The following ZFHX3 variants were observed in gnomAD, a reference collection of about 807,000 sequenced individuals.
ZFHX3 encodes the protein zinc finger homeobox 3, also known as zinc finger homeobox protein 3.
ZFHX3 carries 42 observed loss-of-function variants against 279.1 expected under a neutral mutation model. That is an observed-to-expected ratio of 0.15 (90% confidence interval 0.12 to 0.19). ZFHX3 has a LOEUF of 0.19. Ranked by LOEUF, ZFHX3 falls within the 10% of genes least tolerant of loss-of-function variation. The probability of loss-of-function intolerance (pLI) is 1.00; values close to 1 mark genes in which losing one functional copy is unlikely to be tolerated. For synonymous variants in ZFHX3, 2,293 were observed against 1,957.8 expected (o/e 1.17, Z -4.52); for missense variants, 4,981 against 4,754.0 (o/e 1.05, Z -1.40).
At chr16:73,404,005 C>T (rs895991783) in intron 3 of ZFHX3, among the ~76,000 whole-genome samples, 1 of 152,052 alleles carries the variant, frequency 6.6e-6, no homozygotes, top group Non-Finnish European at 1.5e-5. Context: ...GGGTAGGAGT[C>T]CCTTTGGGAA....
rs147952239 is a variant in ZFHX3, at chr16:72,787,318, G to A, written c.10958C>T (p.Pro3653Leu). 6.4e-5 allele frequency: 103 copies of A among 1,613,860 alleles called. No homozygotes were observed. Among genetic ancestry groups the A allele is most frequent in the Non-Finnish European group, 8.2e-5 (97 of 1,180,004 alleles). The change falls in exon 10 of 10, where the codon CCC becomes CTC. Residue 3653 changes from proline (P) to leucine (L), a missense_variant. Pro to Leu is a moderately conservative substitution (Grantham distance 98). Around this residue, in one of 7 missense-constraint regions of ZFHX3, gnomAD observed 1,034 missense variants for 786.0 expected, o/e 1.32. Transcript: ENST00000268489. ...SSSCSTSGVQ[P>L]SMPTDDYSEE... ...CGAATAGTCGTCTGTTGGCATCGAG[G>A]GCTGAACCCCTGAGGTGCTGCATGA...
chr16:73,188,873 T>C (rs1224640577), intron 5 of ZFHX3, among the ~76,000 whole-genome samples: 1 of 151,654 alleles, frequency 6.6e-6, no homozygotes, highest in Non-Finnish European at 1.5e-5. Flanking sequence ...TTTCTTTTTT[T>C]TTTTTTTTGA....
intron 3 of ZFHX3, among the ~76,000 whole-genome samples, chr16:72,948,316 T>C (rs1960805870): frequency 6.6e-6 from 1 of 152,118 alleles, no homozygotes; most frequent in South Asian, 2.1e-4. Context: ...GGGTCCACGT[T>C]CTACCCTGCA....
chr16:72,927,995 G>A (rs1959552658), intron 3 of ZFHX3, among the ~76,000 whole-genome samples: 1 of 148,730 alleles, frequency 6.7e-6, no homozygotes, highest in Admixed American at 6.7e-5. Context: ...TTGGAAGCTG[G>A]GATGCGCCAG....
At chr16:73,073,525 G>T (rs1382389064) in intron 8 of ZFHX3, among the ~76,000 whole-genome samples, 2 of 152,134 alleles carry the variant, frequency 1.3e-5, no homozygotes, top group Non-Finnish European at 2.9e-5. Context: ...TTGAGACAGA[G>T]TATCACTCTT....
chr16:73,801,603 G>A (rs564735368), intron 1 of ZFHX3, among the ~76,000 whole-genome samples: 1 of 152,330 alleles, frequency 6.6e-6, no homozygotes, highest in East Asian at 1.9e-4. Context: ...ATTTCCCTGT[G>A]TTTCCATTTC....
intron 4 of ZFHX3, among the ~76,000 whole-genome samples, chr16:72,885,155 A>G (rs568808184): frequency 3.9e-5 from 6 of 152,374 alleles, no homozygotes; most frequent in African/African-American, 9.6e-5. Flanking sequence ...GACAAAGACC[A>G]TCACACTGAA....
chr16:73,330,353 G>T (rs749819371), intron 3 of ZFHX3, among the ~76,000 whole-genome samples: 1 of 152,206 alleles, frequency 6.6e-6, no homozygotes, highest in African/African-American at 2.4e-5. Context: ...TCAGGTTCTG[G>T]TTAATATGGA....
intron 6 of ZFHX3, among the ~76,000 whole-genome samples, chr16:73,142,963 G>A (rs1966851409): frequency 6.6e-6 from 1 of 152,182 alleles, no homozygotes; most frequent in Non-Finnish European, 1.5e-5. Flanking sequence ...CCATGATTCT[G>A]CCAGGATACA....
chr16:73,596,420 G>T (rs1052361405), intron 2 of ZFHX3, among the ~76,000 whole-genome samples: 37 of 152,060 alleles, frequency 2.4e-4, no homozygotes, highest in African/African-American at 7.7e-4. Context: ...GTTTCAGCCT[G>T]CTCCTGTCTC....
chr16:72,891,998 G>T (rs1363474728), intron 3 of ZFHX3, among the ~76,000 whole-genome samples: 1 of 152,224 alleles, frequency 6.6e-6, no homozygotes, highest in Non-Finnish European at 1.5e-5. Flanking sequence ...AGAATGGTTA[G>T]AATGCCCTGC....
intron 1 of ZFHX3, among the ~76,000 whole-genome samples, chr16:73,744,418 A>T (rs2053686029): frequency 6.6e-6 from 1 of 152,180 alleles, no homozygotes; most frequent in African/African-American, 2.4e-5. Flanking sequence ...ACAGGCTAGA[A>T]GTGGAGCTTT....
chr16:73,073,706 C>T (rs1378012273), intron 8 of ZFHX3, among the ~76,000 whole-genome samples: 2 of 152,098 alleles, frequency 1.3e-5, no homozygotes, highest in Non-Finnish European at 2.9e-5. Context: ...ACCATGTTGG[C>T]CAGGCTTGTC....
chr16:72,840,515 G>C lies in ZFHX3; in HGVS notation c.3449-10656C>G, dbSNP rs148954050. Among the ~76,000 whole-genome samples the C allele has an allele frequency of 7.0e-3, 1,062 of 152,268 alleles. 4 individuals carry two copies. The highest frequency in any genetic ancestry group is 0.031 in the Middle Eastern group (9 of 294). Reference sequence around the variant, plus strand: ...GGGCAAAGAGAAGCAAAAAAGCAAAGAGAAAAAGAAAGAGGTAAACATTTT... The same window carrying C: ...GGGCAAAGAGAAGCAAAAAAGCAAACAGAAAAAGAAAGAGGTAAACATTTT... On this transcript the variant is annotated intron_variant, in intron 4 of 9. Transcript: ENST00000268489.
intron 4 of ZFHX3, among the ~76,000 whole-genome samples, chr16:72,882,657 T>C (rs943452463): frequency 2.0e-5 from 3 of 152,170 alleles, no homozygotes; most frequent in Non-Finnish European, 4.4e-5. Flanking sequence ...CAGCAGCGTC[T>C]GACAGCAGTG....
intron 3 of ZFHX3, among the ~76,000 whole-genome samples, chr16:73,390,259 G>C (rs1313929127): frequency 6.6e-6 from 1 of 152,078 alleles, no homozygotes; most frequent in Non-Finnish European, 1.5e-5. Flanking sequence ...AGAAAGCCAT[G>C]AGTACTGTGA....
chr16:73,039,288 C>T (rs1965025146), intron 1 of ZFHX3, among the ~76,000 whole-genome samples: 2 of 152,138 alleles, frequency 1.3e-5, no homozygotes, highest in Admixed American at 6.5e-5. Flanking sequence ...GCCAAAAAGA[C>T]CAGTGTAAAA....
intron 3 of ZFHX3, among the ~76,000 whole-genome samples, chr16:72,907,285 T>A (rs1442779450): frequency 1.3e-5 from 2 of 152,194 alleles, no homozygotes; most frequent in Non-Finnish European, 2.9e-5. Flanking sequence ...CTGGTATTTT[T>A]ATAATGGTCT....
intron 7 of ZFHX3, among the ~76,000 whole-genome samples, chr16:73,120,811 C>A (rs933098891): frequency 6.6e-6 from 1 of 151,864 alleles, no homozygotes; most frequent in South Asian, 2.1e-4. Context: ...TGTGCTACCA[C>A]GCCCGGCGAA....
Sources: allele counts gnomAD v4.1 joint callset (sites outside exome capture counted in the v4.1 genomes callset), GRCh38; gene constraint gnomAD v4.1.1; regional missense constraint gnomAD v4.1.1; transcripts MANE v1.5; gene names NCBI Gene and HGNC (gene_info 2026-07-23, HGNC 2026-07-21).